Variants in SLC35F1 observed in about 807,000 individuals in gnomAD.
The protein encoded by SLC35F1 is chromosome 6 open reading frame 169.
SLC35F1 carries 14 observed loss-of-function variants against 48.7 expected under a neutral mutation model. The observed-to-expected ratio is 0.29, with a 90% confidence interval of 0.19 to 0.45. SLC35F1 has a LOEUF of 0.45. Among genes scored for constraint, SLC35F1 ranks in the 20% least tolerant of loss-of-function variants. The pLI is 1.00. For missense variants in SLC35F1, 404 were observed against 500.0 expected (o/e 0.81, Z 1.83); for synonymous variants, 190 against 202.2 (o/e 0.94, Z 0.51).
intron 2 of SLC35F1, among the ~76,000 whole-genome samples, chr6:118,230,606 TGAAA>T (rs1259889356): frequency 1.3e-5 from 2 of 152,056 alleles, no homozygotes; most frequent in East Asian, 3.9e-4. Flanking sequence ...TAAAAACACA[TGAAA>T]GAAAGTCATA....
intron 1 of SLC35F1, among the ~76,000 whole-genome samples, chr6:117,944,618 C>CACAT (rs1402177352): frequency 6.6e-6 from 1 of 151,780 alleles, no homozygotes; most frequent in East Asian, 1.9e-4. Context: ...CACACACACA[C>CACAT]ACACAGAATA....
intron 1 of SLC35F1, among the ~76,000 whole-genome samples, chr6:118,046,781 C>T (rs1772308262): frequency 2.0e-5 from 3 of 152,018 alleles, no homozygotes; most frequent in Admixed American, 6.6e-5. Flanking sequence ...ATTGTTATAC[C>T]TATTTCTCAG....
At chr6:118,046,059 G>A (rs558342066) in intron 1 of SLC35F1, among the ~76,000 whole-genome samples, 10 of 152,252 alleles carry the variant, frequency 6.6e-5, no homozygotes, top group South Asian at 6.2e-4. Flanking sequence ...TACTTAATGC[G>A]CAAAGGCATT....
chr6:118,298,326 T>C (rs1182900555), intron 7 of SLC35F1, among the ~76,000 whole-genome samples: 3 of 152,138 alleles, frequency 2.0e-5, no homozygotes, highest in Admixed American at 1.3e-4. Context: ...ACAAGTATTA[T>C]ATCTCAGGGT....
At position 117,983,568 on chromosome 6, in the gene SLC35F1, C is replaced by T. The variant is rs943118683; in HGVS notation, c.173+75669C>T. Reference sequence around the variant, plus strand: ...CTCCAGCCTGGGTGACAGAGTGAGACGCAGTGTCGAAAAAGAAAAAGAAAA... The same window carrying T: ...CTCCAGCCTGGGTGACAGAGTGAGATGCAGTGTCGAAAAAGAAAAAGAAAA... On this transcript the variant is annotated intron_variant, in intron 1 of 7. Coordinates refer to ENST00000360388, the MANE Select transcript of SLC35F1 (RefSeq NM_001029858.4). 5.9e-5 allele frequency among the ~76,000 whole-genome samples: 9 copies of T among 152,042 alleles called. No individual in the cohort carries two copies. The South Asian group carries it at 6.3e-4, about 11-fold the overall frequency.
intron 1 of SLC35F1, among the ~76,000 whole-genome samples, chr6:118,090,059 A>G (rs1773050736): frequency 6.6e-6 from 1 of 152,240 alleles, no homozygotes; most frequent in South Asian, 2.1e-4. Flanking sequence ...CTGAGTAAGA[A>G]TGGGTGTTTA....
At chr6:118,097,837 A>G (rs1562289507) in intron 1 of SLC35F1, among the ~76,000 whole-genome samples, 1 of 152,204 alleles carries the variant, frequency 6.6e-6, no homozygotes, top group East Asian at 1.9e-4. Context: ...ATTATTCTAG[A>G]GTGAATTTTT....
chr6:118,172,026 C>T (rs938934693), intron 2 of SLC35F1, among the ~76,000 whole-genome samples: 2 of 152,064 alleles, frequency 1.3e-5, no homozygotes, highest in African/African-American at 4.8e-5. Flanking sequence ...ATTAATACTA[C>T]CCAAGCCTGG....
At chr6:118,297,258 A>G (rs576198080) in intron 7 of SLC35F1, among the ~76,000 whole-genome samples, 2 of 152,212 alleles carry the variant, frequency 1.3e-5, no homozygotes, top group South Asian at 2.1e-4. Context: ...CACACTTACT[A>G]CATTTGCTGT....
intron 1 of SLC35F1, chr6:117,999,162 A>G (rs1777047106): frequency 6.3e-7 from 1 of 1,594,374 alleles, no homozygotes; most frequent in Non-Finnish European, 8.5e-7. Flanking sequence ...AACAATGCCA[A>G]GGCCATGAGT....
chr6:117,961,389 A>G (rs920533044), intron 1 of SLC35F1, among the ~76,000 whole-genome samples: 3 of 152,196 alleles, frequency 2.0e-5, no homozygotes, highest in African/African-American at 7.2e-5. Context: ...GTAAAACCAA[A>G]TGGAAAACTT....
intron 2 of SLC35F1, among the ~76,000 whole-genome samples, chr6:118,165,295 C>T (rs1207649192): frequency 1.3e-5 from 2 of 152,236 alleles, no homozygotes; most frequent in African/African-American, 4.8e-5. Context: ...CATTTCCTCT[C>T]TTCACCCCAG....
intron 1 of SLC35F1, among the ~76,000 whole-genome samples, chr6:118,136,416 A>C (rs10484291): frequency 0.15 from 22,341 of 152,130 alleles, 1,705 homozygotes; most frequent in South Asian, 0.32. Context: ...TTTCTATTTG[A>C]GATTTTTTTG....
intron 2 of SLC35F1, among the ~76,000 whole-genome samples, chr6:118,178,827 G>T (rs1774530741): frequency 6.6e-6 from 1 of 152,122 alleles, no homozygotes; most frequent in South Asian, 2.1e-4. Flanking sequence ...ACCCATGGAG[G>T]TTTAGCAACT....
At chr6:118,211,205 G>C (rs117246695) in intron 2 of SLC35F1, among the ~76,000 whole-genome samples, 3,833 of 152,244 alleles carry the variant, frequency 0.025, 71 homozygotes, top group Non-Finnish European at 0.04. Context: ...AAACCATCTA[G>C]TCTGTGGTAC....
At chr6:118,154,676 G>A in intron 2 of SLC35F1, 56 bp downstream of exon 2, 1 of 1,507,300 alleles carries the variant, frequency 6.6e-7, no homozygotes, top group Non-Finnish European at 9.0e-7. Context: ...AAAAAAAGAT[G>A]AGCCATGACC....
At chr6:118,027,945 T>A (rs1225070126) in intron 1 of SLC35F1, among the ~76,000 whole-genome samples, 1 of 152,098 alleles carries the variant, frequency 6.6e-6, no homozygotes, top group Non-Finnish European at 1.5e-5. Flanking sequence ...CCCAAGGGGA[T>A]TACAAATATT....
At chr6:118,001,977 A>G (rs1343137601) in intron 1 of SLC35F1, among the ~76,000 whole-genome samples, 1 of 147,650 alleles carries the variant, frequency 6.8e-6, no homozygotes, top group African/African-American at 2.5e-5. Context: ...ATGTGGAGAA[A>G]TAGGAACACT....
chr6:118,293,682 CAT>C (rs953017048), intron 7 of SLC35F1, among the ~76,000 whole-genome samples: 15 of 152,290 alleles, frequency 9.8e-5, no homozygotes, highest in African/African-American at 3.6e-4. Context: ...GATGTATGGA[CAT>C]GTGGTTCAGA....
Sources: allele counts gnomAD v4.1 joint callset (sites outside exome capture counted in the v4.1 genomes callset), GRCh38; gene constraint gnomAD v4.1.1; transcripts MANE v1.5; gene names NCBI Gene and HGNC (gene_info 2026-07-23, HGNC 2026-07-21).